Variants in CRLS1 observed in about 807,000 individuals in gnomAD.
CRLS1 encodes the protein cardiolipin synthase 1, also known as cardiolipin synthase (CMP-forming).
Under a neutral mutation model 37.0 loss-of-function variants are expected in CRLS1, and 24 were observed. The ratio of observed to expected loss-of-function variants is 0.65; its 90% CI spans 0.47 to 0.91. CRLS1 has a LOEUF of 0.91. Ranked by LOEUF, CRLS1 falls within the 40% of genes least tolerant of loss-of-function variation. The probability of loss-of-function intolerance (pLI) is 0.00; values close to 1 mark genes in which losing one functional copy is unlikely to be tolerated. For missense variants in CRLS1, 373 were observed against 395.8 expected (o/e 0.94, Z 0.49); for synonymous variants, 135 against 159.7 (o/e 0.85, Z 1.17).
rs142608793 is a variant in CRLS1 at position 6,012,349 on chromosome 20, A to G, written c.444+2437A>G. On this transcript the variant is annotated intron_variant, in intron 2 of 6. Coordinates refer to ENST00000378863, the MANE Select transcript of CRLS1 (RefSeq NM_019095.6). ...CATGATCCAGCAAGAGTGGAAGCAG[A>G]GTAACTGGTTAGGGGCTGGCCGTGT... 4.9e-3 allele frequency among the ~76,000 whole-genome samples: 748 copies of G among 152,294 alleles called. 11 individuals are homozygous for G. Among genetic ancestry groups the G allele is most frequent in the African/African-American group, 0.017 (725 of 41,550 alleles).
Position 6,006,275 on chromosome 20 carries a change from C to A in CRLS1, c.29C>A (p.Ser10Ter), listed in dbSNP as rs1312616597. 7.9e-7 allele frequency: 1 copy of A among 1,261,852 alleles called. No individual in the cohort carries two copies. Among genetic ancestry groups the A allele is most frequent in the Non-Finnish European group, 9.9e-7 (1 of 1,007,952 alleles). The allele number at this position is 1,261,852 out of a possible 1,614,324, so 78.2% of individuals were successfully genotyped here. The change falls in exon 1 of 7, where the codon TCG becomes TAG. Residue 10 changes from serine (S) to a stop codon, truncating the protein, a stop_gained. Coordinates refer to ENST00000378863, the MANE Select transcript of CRLS1 (RefSeq NM_019095.6). LOFTEE classifies it high-confidence loss of function. Reference protein sequence around the residue: MLALRVARGSWGALRGAAWA... With the variant: MLALRVARG ...CTAGCCTTGCGCGTGGCGCGCGGCTCGTGGGGGGCCCTGCGCGGCGCCGCT... is the reference window on the plus strand; with the variant it reads ...CTAGCCTTGCGCGTGGCGCGCGGCTAGTGGGGGGCCCTGCGCGGCGCCGCT...
chr20:6,025,039 G>A (rs1259815602), intron 3 of CRLS1, among the ~76,000 whole-genome samples: 1 of 152,194 alleles, frequency 6.6e-6, no homozygotes, highest in African/African-American at 2.4e-5. Flanking sequence ...AGGCACTAGT[G>A]GGGAAGCTGC....
chr20:6,014,614 G>A (rs1004028506), intron 2 of CRLS1, among the ~76,000 whole-genome samples: 20 of 152,060 alleles, frequency 1.3e-4, no homozygotes, highest in Admixed American at 7.2e-4. Context: ...TGGCCAGACC[G>A]CTCCCTTCTC....
chr20:6,015,313 G>C, intron 2 of CRLS1, 48 bp from the exon 3 acceptor site: 1 of 1,271,568 alleles, frequency 7.9e-7, no homozygotes, highest in Non-Finnish European at 1.1e-6. Flanking sequence ...TATCTGCTTT[G>C]TTCCTGTTAT....
At chr20:6,010,511 G>A (rs2090119350) in intron 2 of CRLS1, among the ~76,000 whole-genome samples, 2 of 152,200 alleles carry the variant, frequency 1.3e-5, no homozygotes, top group African/African-American at 2.4e-5. Flanking sequence ...ACAATTGGAC[G>A]TCCTTCCTTC....
At chr20:6,015,754 A>G in intron 3 of CRLS1, 1 of 338,802 alleles carries the variant, frequency 3.0e-6, no homozygotes, top group Admixed American at 4.5e-5. Context: ...TCACAGTGCC[A>G]ATTCATATTA....
At chr20:6,031,905 A>C in intron 4 of CRLS1, 107 bp from the exon 5 acceptor site, 1 of 785,940 alleles carries the variant, frequency 1.3e-6, no homozygotes, top group Non-Finnish European at 2.1e-6. Context: ...TGTATGATTT[A>C]TAAAGTTATG....
intron 3 of CRLS1, among the ~76,000 whole-genome samples, chr20:6,030,855 T>G (rs533195085): frequency 6.6e-6 from 1 of 152,364 alleles, no homozygotes; most frequent in East Asian, 1.9e-4. Flanking sequence ...CACATCCTTC[T>G]CCACCTCTTT....
intron 3 of CRLS1, among the ~76,000 whole-genome samples, chr20:6,027,059 T>G (rs1979763825): frequency 6.6e-6 from 1 of 151,756 alleles, no homozygotes; most frequent in Non-Finnish European, 1.5e-5. Context: ...AATAAAATTT[T>G]ACTTATAGAC....
In CRLS1 at chr20:6,006,889, C is replaced by G. The variant is rs977130103; in HGVS notation, c.306+337C>G. On this transcript the variant is annotated intron_variant, in intron 1 of 6. Coordinates refer to ENST00000378863, the MANE Select transcript of CRLS1 (RefSeq NM_019095.6). ...ATTTTTAATTCTTTTGAAGTGAATC[C>G]CCAGTGTTTAGGGCAAGTCTTTGGG... 3 of 908,168 alleles carry G rather than the reference C, an allele frequency of 3.3e-6. No individual in the cohort carries two copies. The African/African-American group carries it at 5.4e-5, about 16-fold the overall frequency. The allele number at this position is 908,168 out of a possible 1,614,324, so 56.3% of individuals were successfully genotyped here. A position where few individuals can be genotyped will look rare whatever the true frequency, so the allele number is the denominator to read the frequency against.
intron 4 of CRLS1, 22 bp from the exon 5 acceptor site, chr20:6,031,990 A>G (rs1394825571): frequency 1.3e-6 from 2 of 1,583,476 alleles, no homozygotes; most frequent in Non-Finnish European, 1.7e-6. Context: ...TAATTACTTT[A>G]TCTTTTTTGG....
At chr20:6,023,625 T>C (rs967051847) in intron 3 of CRLS1, among the ~76,000 whole-genome samples, 3 of 128,756 alleles carry the variant, frequency 2.3e-5, no homozygotes, top group African/African-American at 6.4e-5. Context: ...CAGATTTTCT[T>C]TTAAAAATCT....
rs1031596267 is a variant in CRLS1, at chr20:6,039,514, G to T, written c.*2356G>T. 3.3e-5 allele frequency: 5 copies of T among 152,060 alleles called. No individual in the cohort carries two copies. The highest frequency in any genetic ancestry group is 1.2e-4 in the African/African-American group (5 of 41,402). The allele number at this position is 152,060 out of a possible 1,614,324, so 9.4% of individuals were successfully genotyped here. A position where few individuals can be genotyped will look rare whatever the true frequency, so the allele number is the denominator to read the frequency against. ...GTTCAGTTTTAGTTTCTGCAGCATG[G>T]TTTGGAAACAAAAGATACATAGGAT... On this transcript the variant is annotated 3_prime_UTR_variant, in exon 7 of 7. Transcript: ENST00000378863.
intron 6 of CRLS1, among the ~76,000 whole-genome samples, chr20:6,036,765 G>T (rs1568634437): frequency 6.6e-6 from 1 of 152,290 alleles, no homozygotes; most frequent in South Asian, 2.1e-4. Flanking sequence ...TGAGTTCGTT[G>T]TAAGAATAAA....
At chr20:6,031,921 A>G (rs576242621) in intron 4 of CRLS1, 91 bp from the exon 5 acceptor site, 1 of 885,820 alleles carries the variant, frequency 1.1e-6, no homozygotes, top group African/African-American at 1.7e-5. Flanking sequence ...TTATGTTGTT[A>G]CCTAAGTATA....
At chr20:6,021,009 T>C (rs1405322584) in intron 3 of CRLS1, among the ~76,000 whole-genome samples, 2 of 151,724 alleles carry the variant, frequency 1.3e-5, no homozygotes, top group Non-Finnish European at 2.9e-5. Flanking sequence ...TAGAGTTTCC[T>C]ACTGTATGTC....
intron 6 of CRLS1, among the ~76,000 whole-genome samples, chr20:6,036,238 C>T (rs1378024972): frequency 6.6e-6 from 1 of 152,228 alleles, no homozygotes; most frequent in East Asian, 1.9e-4. Context: ...TCATGAGCCA[C>T]TGCGTCCAGC....
At chr20:6,031,134 G>T (rs1791835550) in intron 3 of CRLS1, 151 bp from the exon 4 acceptor site, 2 of 498,576 alleles carry the variant, frequency 4.0e-6, no homozygotes, top group African/African-American at 2.0e-5. Context: ...TGCTATAGGG[G>T]ACCCTAAACC....
intron 3 of CRLS1, among the ~76,000 whole-genome samples, chr20:6,018,589 A>G (rs903518583): frequency 6.6e-6 from 1 of 152,170 alleles, no homozygotes; most frequent in Non-Finnish European, 1.5e-5. Context: ...TCAAGTTAAG[A>G]AGTTCACTTC....
Sources: allele counts gnomAD v4.1 joint callset (sites outside exome capture counted in the v4.1 genomes callset), GRCh38; gene constraint gnomAD v4.1.1; transcripts MANE v1.5; gene names NCBI Gene and HGNC (gene_info 2026-07-23, HGNC 2026-07-21).